The following PLB1 variants were observed in gnomAD, a reference collection of about 807,000 sequenced individuals.
PLB1 encodes the protein phospholipase B1.
Under a neutral mutation model 227.4 loss-of-function variants are expected in PLB1, and 242 were observed. The ratio of observed to expected loss-of-function variants is 1.06; its 90% confidence interval spans 0.96 to 1.18. PLB1 has a LOEUF of 1.18. Among genes scored for constraint, PLB1 ranks in the 50% most tolerant of loss-of-function variants. The pLI is 0.00. For synonymous variants in PLB1, 757 were observed against 682.2 expected, an observed-to-expected ratio of 1.11 and a Z score of -1.71; for missense variants, 1,858 against 1,816.3, an observed-to-expected ratio of 1.02 and a Z score of -0.42.
In PLB1 at chr2:28,537,717, G is replaced by A. The variant is rs908856766; in HGVS notation, c.556-602G>A. ...GGTCCGTTTTTGAGGTCCTTCATTT[G>A]TTGATTTTCATGACCTGCAGGAAGG... is the stretch of plus-strand genomic sequence containing the variant. On this transcript the variant is annotated intron_variant, in intron 9 of 57. Coordinates refer to ENST00000327757, the MANE Select transcript of PLB1 (RefSeq NM_153021.5). 4.1e-5 allele frequency among the ~76,000 whole-genome samples: 6 copies of A among 147,598 alleles called. 1 individual carries two copies. Among genetic ancestry groups the A allele is most frequent in the Admixed American group, 4.0e-4 (6 of 14,886 alleles).
At chr2:28,563,126 A>C in intron 18 of PLB1, 27 bp downstream of exon 18, 2 of 1,596,114 alleles carry the variant, frequency 1.3e-6, no homozygotes, top group Non-Finnish European at 1.7e-6. Flanking sequence ...CAGAAGGGGC[A>C]GGAGGGGAAA....
intron 51 of PLB1, among the ~76,000 whole-genome samples, chr2:28,626,988 C>T (rs1012888987): frequency 5.3e-5 from 8 of 152,216 alleles, no homozygotes; most frequent in African/African-American, 1.9e-4. Context: ...TGTCCAGACT[C>T]ACAAACTTCT....
In PLB1 at chr2:28,586,579, C is replaced by T. The variant is rs555017629; in HGVS notation, c.1815+737C>T. ...CATCCTTCCAGGAGTCCCTGGACTC[C>T]TTGGGGGCAGTACCACTTCCCTGCC... On this transcript the variant is annotated intron_variant, in intron 26 of 57. Transcript: ENST00000327757. Among the ~76,000 whole-genome samples, 12 of 152,224 alleles carry T rather than the reference C, an allele frequency of 7.9e-5. 1 individual carries two copies. The East Asian group carries it at 2.3e-3, about 29-fold the overall frequency.
intron 4 of PLB1, among the ~76,000 whole-genome samples, chr2:28,523,667 C>A (rs1326266909): frequency 6.6e-6 from 1 of 152,116 alleles, no homozygotes; most frequent in Non-Finnish European, 1.5e-5. Flanking sequence ...CAACATCTCT[C>A]TTTACCACCC....
intron 17 of PLB1, among the ~76,000 whole-genome samples, chr2:28,562,490 C>T (rs541206158): frequency 7.7e-5 from 10 of 130,144 alleles, no homozygotes; most frequent in African/African-American, 2.7e-4. Flanking sequence ...TGTAGTGAGC[C>T]AAGATTGCAC....
intron 22 of PLB1, 35 bp from the exon 23 acceptor site, chr2:28,579,592 C>G (rs1395070569): frequency 2.6e-6 from 4 of 1,545,360 alleles, no homozygotes; most frequent in Non-Finnish European, 3.6e-6. Flanking sequence ...GACTCTGGGA[C>G]AAGGTGCTTA....
intron 9 of PLB1, among the ~76,000 whole-genome samples, chr2:28,533,128 G>T (rs192003192): frequency 1.3e-5 from 2 of 152,170 alleles, no homozygotes; most frequent in Non-Finnish European, 2.9e-5. Context: ...TCTTTTCTGT[G>T]CCCCTCTCCT....
intron 10 of PLB1, 92 bp from the exon 11 acceptor site, chr2:28,539,007 C>T: frequency 3.0e-6 from 3 of 999,426 alleles, no homozygotes; most frequent in Non-Finnish European, 4.8e-6. Context: ...CACTCAACCA[C>T]ACCCCAACGG....
chr2:28,623,150 TCTTC>T lies in PLB1; in HGVS notation c.3528-1903_3528-1900del, dbSNP rs537296356. Among the ~76,000 whole-genome samples the T allele has an allele frequency of 3.7e-3, 567 of 152,306 alleles. 6 individuals are homozygous for T. The highest frequency in any genetic ancestry group is 0.013 in the African/African-American group (540 of 41,558). On this transcript the variant is annotated intron_variant, in intron 49 of 57. Transcript: ENST00000327757. ...ACCCCTGAAATCATCCAGTCCAACCTCTTCCTTTAAAAGATGGGAAAAGTCAATC... is the reference window on the plus strand; with the variant it reads ...ACCCCTGAAATCATCCAGTCCAACCTCTTTAAAAGATGGGAAAAGTCAATC...
Position 28,566,619 on chromosome 2 carries a change from A to G in PLB1, c.1281-177A>G, listed in dbSNP as rs973643205. On this transcript the variant is annotated intron_variant, in intron 19 of 57. Transcript: ENST00000327757. ...TGTTTGGATGTGCTGGCCTATGGGGAGGGGAGTCGTATTCTGGTTTGCTTT... is the reference window on the plus strand; with the variant it reads ...TGTTTGGATGTGCTGGCCTATGGGGGGGGGAGTCGTATTCTGGTTTGCTTT... The G allele has an allele frequency of 1.3e-5, 8 of 618,156 alleles. No individual in the cohort carries two copies. The African/African-American group carries it at 1.5e-4, about 11-fold the overall frequency. 38.3% of individuals were successfully genotyped at this position (618,156 alleles called of 1,614,324 possible).
At chr2:28,625,430 G>T (rs995717849) in intron 50 of PLB1, among the ~76,000 whole-genome samples, 34 of 152,182 alleles carry the variant, frequency 2.2e-4, no homozygotes, top group Non-Finnish European at 4.3e-4. Flanking sequence ...TAAATGCAAG[G>T]TTCTAAAAAT....
chr2:28,496,221 TC>T, intron 1 of PLB1, 52 bp downstream of exon 1: 1 of 1,559,080 alleles, frequency 6.4e-7, no homozygotes, highest in Non-Finnish European at 8.8e-7. Flanking sequence ...CCCGCTGGTG[TC>T]CCATGTTGCT....
At chr2:28,586,885 C>A (rs1304987122) in intron 26 of PLB1, among the ~76,000 whole-genome samples, 1 of 152,118 alleles carries the variant, frequency 6.6e-6, no homozygotes, top group Non-Finnish European at 1.5e-5. Flanking sequence ...GTAGCTGGGA[C>A]TACAGGTGTG....
Position 28,624,047 on chromosome 2 carries a change from G to A in PLB1, c.3528-1010G>A, listed in dbSNP as rs146172780. Among the ~76,000 whole-genome samples, 429 of 152,262 alleles carry A rather than the reference G, an allele frequency of 2.8e-3. 1 individual carries two copies. The highest frequency in any genetic ancestry group is 9.9e-3 in the African/African-American group (412 of 41,526). On this transcript the variant is annotated intron_variant, in intron 49 of 57. Coordinates refer to ENST00000327757, the MANE Select transcript of PLB1 (RefSeq NM_153021.5). Reference sequence around the variant, plus strand: ...AGAGGGGTTGAGGCTGCAGTGAGCCGTGATCACACCACTACACTCCAGCCT... The same window carrying A: ...AGAGGGGTTGAGGCTGCAGTGAGCCATGATCACACCACTACACTCCAGCCT...
At chr2:28,538,774 G>A (rs139424298) in intron 10 of PLB1, among the ~76,000 whole-genome samples, 65 of 152,260 alleles carry the variant, frequency 4.3e-4, no homozygotes, top group African/African-American at 1.3e-3. Flanking sequence ...CCTGCCTTCC[G>A]CTTTGCTCCC....
intron 16 of PLB1, 88 bp downstream of exon 16, chr2:28,550,172 T>TG: frequency 2.3e-6 from 2 of 858,234 alleles, no homozygotes; most frequent in Non-Finnish European, 3.4e-6. Flanking sequence ...TCCACGTGGT[T>TG]TTTTTTTTTT....
In PLB1 at chr2:28,496,098, A is replaced by T. The variant is rs747435099; in HGVS notation, c.-17A>T. The T allele has an allele frequency of 1.9e-6, 3 of 1,613,636 alleles. No homozygotes were observed. The African/African-American group carries it at 4.0e-5, about 22-fold the overall frequency. ...AGCAGCTCTTCCAGAGGCCCGAGTCACCTGGAGCATTCTGGCATGGGGCTG... is the reference window on the plus strand; with the variant it reads ...AGCAGCTCTTCCAGAGGCCCGAGTCTCCTGGAGCATTCTGGCATGGGGCTG... On this transcript the variant is annotated 5_prime_UTR_variant, in exon 1 of 58. Transcript: ENST00000327757.
chr2:28,563,244 C>A, intron 18 of PLB1, 145 bp downstream of exon 18: 1 of 795,532 alleles, frequency 1.3e-6, no homozygotes. Flanking sequence ...TCTCCATTGT[C>A]CGACCCACCC....
chr2:28,548,478 C>T, intron 14 of PLB1: 3 of 453,294 alleles, frequency 6.6e-6, no homozygotes, highest in Non-Finnish European at 1.4e-5. Flanking sequence ...TGGTTGGATG[C>T]AGGACACCAA....
Sources: gnomAD v4.1 joint callset for allele counts (sites outside exome capture counted in the v4.1 genomes callset) on GRCh38, gnomAD v4.1.1 for gene constraint, MANE v1.5 for transcripts, NCBI Gene and HGNC (gene_info 2026-07-23, HGNC 2026-07-21) for gene names.